C5orf63: variants seen among roughly 807,000 people sequenced by gnomAD.
The protein encoded by C5orf63 is chromosome 5 open reading frame 63.
Under a neutral mutation model 13.3 loss-of-function variants are expected in C5orf63, and 18 were observed. The ratio of observed to expected loss-of-function variants is 1.36; its 90% CI spans 0.94 to 2.01. C5orf63 has a LOEUF of 2.01. Among genes scored for constraint, C5orf63 ranks in the 30% most tolerant of loss-of-function variants. C5orf63 has a pLI of 0.00. For synonymous variants in C5orf63, 38 were observed against 44.7 expected, an observed-to-expected ratio of 0.85 and a Z score of 0.60; for missense variants, 118 against 127.7, an observed-to-expected ratio of 0.92 and a Z score of 0.36.
At chr5:127,071,091 A>G (rs1394574737) in intron 2 of C5orf63, among the ~76,000 whole-genome samples, 2 of 152,234 alleles carry the variant, frequency 1.3e-5, no homozygotes, top group Admixed American at 1.3e-4. Flanking sequence ...TGTACTGAGC[A>G]TTTGCAATGT....
chr5:127,070,911 T>C (rs73783526), intron 2 of C5orf63, among the ~76,000 whole-genome samples: 2,000 of 152,278 alleles, frequency 0.013, 36 homozygotes, highest in African/African-American at 0.046. Context: ...CCAAATACAC[T>C]CTTCCCTGCT....
chr5:127,070,012 A>C (rs560650265), intron 2 of C5orf63, among the ~76,000 whole-genome samples: 2 of 152,292 alleles, frequency 1.3e-5, no homozygotes, highest in South Asian at 4.1e-4. Context: ...CTTTCTTCCC[A>C]AAAAATCGCA....
intron 4 of C5orf63, 21 bp downstream of exon 4, chr5:127,052,592 A>T (rs745500328): frequency 2.6e-5 from 37 of 1,434,560 alleles, no homozygotes; most frequent in Middle Eastern, 1.8e-4. Flanking sequence ...TATACATAAA[A>T]GCCACACTGT....
chr5:127,059,728 C>CAAA (rs58498141), intron 2 of C5orf63, among the ~76,000 whole-genome samples: 66 of 99,236 alleles, frequency 6.7e-4, no homozygotes, highest in Middle Eastern at 6.2e-3. Context: ...GATCTTATCT[C>CAAA]AAAAAAAAAA....
At chr5:127,048,042 G>C (rs572730996), downstream of C5orf63, 2 of 580,596 alleles carry the variant, frequency 3.4e-6, no homozygotes, top group African/African-American at 3.7e-5. Context: ...AGGCTGTGCA[G>C]GTTATTGGGA....
chr5:127,051,587 G>A lies in C5orf63; in HGVS notation c.*184C>T. ...TTCTTATTTTATAAAATGCCATTAA[G>A]CAAACAGTTCCCACACTGATACTTC... On this transcript the variant is annotated 3_prime_UTR_variant, in exon 5 of 5. Transcript: ENST00000296662. 1 of 1,249,936 alleles carries A rather than the reference G, an allele frequency of 8.0e-7. No homozygotes were observed. Among genetic ancestry groups the A allele is most frequent in the Non-Finnish European group, 1.0e-6 (1 of 997,986 alleles). The allele number at this position is 1,249,936 out of a possible 1,614,324, so 77.4% of individuals were successfully genotyped here. A position where few individuals can be genotyped will look rare whatever the true frequency, so the allele number is the denominator to read the frequency against.
Position 127,051,745 on chromosome 5 carries a change from A to T in C5orf63, c.*26T>A, listed in dbSNP as rs974194219. ...TTAGGAAGATGCTTTATGGGAAGAGAGGGTGGAAAATCATGAGGGCATCAG... is the reference window on the plus strand; with the variant it reads ...TTAGGAAGATGCTTTATGGGAAGAGTGGGTGGAAAATCATGAGGGCATCAG... On this transcript the variant is annotated 3_prime_UTR_variant, in exon 5 of 5. Coordinates refer to ENST00000296662, the MANE Select transcript of C5orf63 (RefSeq NM_001164478.2). 2 of 1,465,914 alleles carry T rather than the reference A, an allele frequency of 1.4e-6. No homozygotes were observed. Among genetic ancestry groups the T allele is most frequent in the African/African-American group, 2.8e-5 (2 of 70,502 alleles). 90.8% of individuals were successfully genotyped at this position (1,465,914 alleles called of 1,614,324 possible).
exon 5 of C5orf63, chr5:127,046,059 G>A (rs1416568787): frequency 1.3e-5 from 2 of 152,178 alleles, no homozygotes; most frequent in Non-Finnish European, 2.9e-5. Context: ...ATGCCAGGTG[G>A]CCACATTTCC....
downstream of C5orf63, chr5:127,046,998 T>C (rs544765189): frequency 6.6e-6 from 1 of 152,366 alleles, no homozygotes; most frequent in African/African-American, 2.4e-5. Flanking sequence ...TGATTCCTAC[T>C]GTCAGATGTC....
chr5:127,051,431 A>C lies in C5orf63; in HGVS notation c.*340T>G. 1 of 1,233,154 alleles carries C rather than the reference A, an allele frequency of 8.1e-7. No homozygotes were observed. Among genetic ancestry groups the C allele is most frequent in the Non-Finnish European group, 1.0e-6 (1 of 988,746 alleles). The allele number at this position is 1,233,154 out of a possible 1,614,324, so 76.4% of individuals were successfully genotyped here. A position where few individuals can be genotyped will look rare whatever the true frequency, so the allele number is the denominator to read the frequency against. On this transcript the variant is annotated 3_prime_UTR_variant, in exon 5 of 5. Coordinates refer to ENST00000296662, the MANE Select transcript of C5orf63 (RefSeq NM_001164478.2). ...TAAGCCCTCCGGGGCAGCAGCAGGA[A>C]TGCAGAACCTTCTTCCTATAAATGG...
chr5:127,054,822 C>T (rs896633424), intron 3 of C5orf63, among the ~76,000 whole-genome samples: 1 of 152,130 alleles, frequency 6.6e-6, no homozygotes, highest in Admixed American at 6.5e-5. Context: ...ATGCCTATGT[C>T]CTGAATGGTA....
downstream of C5orf63, among the ~76,000 whole-genome samples, chr5:127,048,119 C>T (rs1168061223): frequency 6.6e-6 from 1 of 152,004 alleles, no homozygotes; most frequent in Admixed American, 6.6e-5. Flanking sequence ...GCTCTCCATT[C>T]GAGCAGACCC....
At chr5:127,062,222 A>G (rs1484460644) in intron 2 of C5orf63, among the ~76,000 whole-genome samples, 2 of 152,208 alleles carry the variant, frequency 1.3e-5, no homozygotes, top group Non-Finnish European at 2.9e-5. Flanking sequence ...GATTTGTTCA[A>G]CCAATCTACA....
At chr5:127,055,659 T>C (rs1010084921) in intron 3 of C5orf63, among the ~76,000 whole-genome samples, 1 of 152,154 alleles carries the variant, frequency 6.6e-6, no homozygotes, top group African/African-American at 2.4e-5. Context: ...TATGGATAGT[T>C]TGTAATGTTT....
intron 2 of C5orf63, among the ~76,000 whole-genome samples, chr5:127,059,873 T>C (rs1350315684): frequency 6.6e-6 from 1 of 151,510 alleles, no homozygotes; most frequent in Non-Finnish European, 1.5e-5. Context: ...TGGCCAGGCG[T>C]GGTGGCTCAC....
chr5:127,048,622 T>C (rs1011842746), downstream of C5orf63, among the ~76,000 whole-genome samples: 2 of 152,166 alleles, frequency 1.3e-5, no homozygotes, highest in Admixed American at 6.6e-5. Flanking sequence ...GTAGCATCTA[T>C]TGTTTCTTAG....
At chr5:127,052,500 T>C in intron 4 of C5orf63, 113 bp downstream of exon 4, 1 of 788,846 alleles carries the variant, frequency 1.3e-6, no homozygotes, top group Non-Finnish European at 1.8e-6. Context: ...AGAAAGAAAA[T>C]TTAAAAGAAA....
Position 127,051,801 on chromosome 5 carries a change from C to T in C5orf63, c.318G>A (p.Leu106=), listed in dbSNP as rs1753684743. ...VNTSKLEKQL[L]KLEQQSTGG ...CTCCAGTACTTTGCTGCTCAAGTTT[C>T]AGGAGCTGTTTTTCAAGTTTTGAGG... The change falls in exon 5 of 5, where the codon CTG becomes CTA. Residue 106 remains leucine (L), a synonymous_variant. Transcript: ENST00000296662. 1.2e-5 allele frequency: 18 copies of T among 1,528,970 alleles called. No individual in the cohort carries two copies. The highest frequency in any genetic ancestry group is 1.6e-5 in the Non-Finnish European group (18 of 1,143,870). The allele number at this position is 1,528,970 out of a possible 1,614,324, so 94.7% of individuals were successfully genotyped here. A position where few individuals can be genotyped will look rare whatever the true frequency, so the allele number is the denominator to read the frequency against.
At chr5:127,069,391 TTTCCC>T (rs1360919401) in intron 2 of C5orf63, among the ~76,000 whole-genome samples, 2 of 152,152 alleles carry the variant, frequency 1.3e-5, no homozygotes, top group Non-Finnish European at 2.9e-5. Flanking sequence ...GTAATGCAAG[TTTCCC>T]TGCTATTTAA....
Sources: gnomAD v4.1 joint callset for allele counts (sites outside exome capture counted in the v4.1 genomes callset) on GRCh38, gnomAD v4.1.1 for gene constraint, MANE v1.5 for transcripts, NCBI Gene and HGNC (gene_info 2026-07-23, HGNC 2026-07-21) for gene names.